PCDHGB2: variants seen among roughly 807,000 people sequenced by gnomAD.
PCDHGB2 encodes the protein protocadherin gamma subfamily B, 2, also known as protocadherin gamma-B2.
Under a neutral mutation model 59.3 loss-of-function variants are expected in PCDHGB2, and 55 were observed. The ratio of observed to expected loss-of-function variants is 0.93; its 90% confidence interval spans 0.75 to 1.16. The LOEUF is 1.16. Among genes scored for constraint, PCDHGB2 ranks in the 50% most tolerant of loss-of-function variants. PCDHGB2 has a pLI of 0.00. For missense variants in PCDHGB2, 1,228 were observed against 1,198.5 expected (o/e 1.02, Z -0.36); for synonymous variants, 516 against 512.0 (o/e 1.01, Z -0.11).
intron 1 of PCDHGB2, chr5:141,427,685 C>T: frequency 1.2e-6 from 1 of 852,116 alleles, no homozygotes; most frequent in Non-Finnish European, 1.9e-6. Context: ...TTCCCGGAGC[C>T]TCCATCCCAC....
In PCDHGB2 at chr5:141,485,735, G is replaced by A; in HGVS notation, c.2422-9072G>A. 6.2e-7 allele frequency: 1 copy of A among 1,614,166 alleles called. No homozygotes were observed. The highest frequency in any genetic ancestry group is 8.5e-7 in the Non-Finnish European group (1 of 1,180,036). On this transcript the variant is annotated intron_variant, in intron 1 of 3. Coordinates refer to ENST00000522605, the MANE Select transcript of PCDHGB2 (RefSeq NM_018923.3). The surrounding 1 kb of genome is among the most constrained non-coding windows in gnomAD (Gnocchi z 5.7). Reference sequence around the variant, plus strand: ...ACTGGATGTGAAGAAGCGCAGCGACGGCAGCCTGGTCCCAGAGCTGCTCCT... The same window carrying A: ...ACTGGATGTGAAGAAGCGCAGCGACAGCAGCCTGGTCCCAGAGCTGCTCCT...
chr5:141,396,525 C>T (rs2093390810), intron 1 of PCDHGB2: 1 of 151,326 alleles, frequency 6.6e-6, no homozygotes, highest in Non-Finnish European at 1.5e-5. Context: ...GAGGCTGAGG[C>T]AGAAGAATCA....
intron 3 of PCDHGB2, among the ~76,000 whole-genome samples, chr5:141,506,116 A>T: frequency 6.6e-6 from 1 of 152,136 alleles, no homozygotes; most frequent in East Asian, 1.9e-4. Flanking sequence ...AAGAGTCACT[A>T]GGGCCCAGAG....
At chr5:141,422,167 A>G in intron 1 of PCDHGB2, 1 of 1,562,764 alleles carries the variant, frequency 6.4e-7, no homozygotes, top group Non-Finnish European at 8.6e-7. Context: ...TGAAAAATAT[A>G]GATTCTATGA....
chr5:141,375,914 G>A, intron 1 of PCDHGB2: 1 of 1,613,738 alleles, frequency 6.2e-7, no homozygotes, highest in Non-Finnish European at 8.5e-7. Context: ...CCTGCTCAAG[G>A]CCAGCGAGCC....
At chr5:141,384,650 C>G (rs1213467381) in intron 1 of PCDHGB2, 4 of 1,614,222 alleles carry the variant, frequency 2.5e-6, no homozygotes, top group Non-Finnish European at 3.4e-6. Context: ...TCCGCAGAGC[C>G]CGGCTACCTG....
At chr5:141,384,278 A>T in intron 1 of PCDHGB2, 1 of 1,613,842 alleles carries the variant, frequency 6.2e-7, no homozygotes, top group Non-Finnish European at 8.5e-7. Context: ...TACTCAGTCT[A>T]CATCGCTGAG....
At chr5:141,469,372 C>G (rs780872014) in intron 1 of PCDHGB2, among the ~76,000 whole-genome samples, 5 of 151,990 alleles carry the variant, frequency 3.3e-5, no homozygotes, top group Non-Finnish European at 5.9e-5. Flanking sequence ...GTAAAGAGAT[C>G]GAGACCATCC....
rs922405350 is a variant in PCDHGB2, at chr5:141,512,227, T to C, written c.*1054T>C. 5 of 152,764 alleles carry C rather than the reference T, an allele frequency of 3.3e-5. No homozygotes were observed. The highest frequency in any genetic ancestry group is 1.2e-4 in the African/African-American group (5 of 41,552). 9.5% of individuals were successfully genotyped at this position (152,764 alleles called of 1,614,324 possible). On this transcript the variant is annotated 3_prime_UTR_variant, in exon 4 of 4. Transcript: ENST00000522605. ...AAGCAGGTTTAGGACCAGGTCCCCTTGAGAGGTCAGAGGGGCCTCTGTGGG... is the reference window on the plus strand; with the variant it reads ...AAGCAGGTTTAGGACCAGGTCCCCTCGAGAGGTCAGAGGGGCCTCTGTGGG...
intron 1 of PCDHGB2, chr5:141,383,148 C>G (rs1326737910): frequency 6.2e-7 from 1 of 1,614,124 alleles, no homozygotes; most frequent in Non-Finnish European, 8.5e-7. Context: ...GCAGCGGCAG[C>G]TTGGTCACTG....
rs1007653206 is a variant in PCDHGB2 at position 141,360,593 on chromosome 5, C to T, written c.458C>T (p.Pro153Leu). The T allele has an allele frequency of 6.2e-7, 1 of 1,613,930 alleles. No individual in the cohort carries two copies. Among genetic ancestry groups the T allele is most frequent in the Non-Finnish European group, 8.5e-7 (1 of 1,179,874 alleles). The change falls in exon 1 of 4, where the codon CCA (proline) becomes CTA (leucine). Residue 153 changes from proline to leucine, a missense_variant. Coordinates refer to ENST00000522605, the MANE Select transcript of PCDHGB2 (RefSeq NM_018923.3). ...GESTKPGTTF[P>L]LDPALDSDVG... ...TCCACTAAGCCAGGTACAACATTTC[C>T]ACTTGACCCAGCCCTGGATTCAGAT...
chr5:141,393,962 C>G (rs2150548263), intron 1 of PCDHGB2: 1 of 1,613,894 alleles, frequency 6.2e-7, no homozygotes, highest in Non-Finnish European at 8.5e-7. Flanking sequence ...GTCAAGTTGT[C>G]TGTTACACAC....
At chr5:141,364,262 C>A (rs899975548) in intron 1 of PCDHGB2, 3 of 1,504,192 alleles carry the variant, frequency 2.0e-6, no homozygotes, top group Non-Finnish European at 2.7e-6. Context: ...ATGTACCCAT[C>A]GGCTTTAGAT....
chr5:141,416,042 A>G (rs1024979061), intron 1 of PCDHGB2: 1 of 193,196 alleles, frequency 5.2e-6, no homozygotes, highest in African/African-American at 2.3e-5. Context: ...ACCTCTGGAA[A>G]CACAACCCAA....
At chr5:141,468,330 C>CAAAAA (rs533390277) in intron 1 of PCDHGB2, 4 of 79,848 alleles carry the variant, frequency 5.0e-5, no homozygotes, top group African/African-American at 7.8e-5. Context: ...AACTCCATCT[C>CAAAAA]AAAAAAAAAA....
rs776721321 is a variant in PCDHGB2, at chr5:141,431,084, C to A, written c.2422-63723C>A. ...CAAGTGTCAATTAAATCTAGACATT[C>A]TGATGGAGGATAAAGTGAAAATATA... is the stretch of plus-strand genomic sequence containing the variant. On this transcript the variant is annotated intron_variant, in intron 1 of 3. Coordinates refer to ENST00000522605, the MANE Select transcript of PCDHGB2 (RefSeq NM_018923.3). This position sits in a 1 kb window ranked among gnomAD's most constrained non-coding sequence, Gnocchi z 4.8. The A allele has an allele frequency of 1.2e-6, 2 of 1,614,060 alleles. No homozygotes were observed. Among genetic ancestry groups the A allele is most frequent in the Non-Finnish European group, 1.7e-6 (2 of 1,180,002 alleles).
At chr5:141,392,357 C>T (rs980934647) in intron 1 of PCDHGB2, 1 of 152,638 alleles carries the variant, frequency 6.6e-6, no homozygotes, top group Admixed American at 6.5e-5. Flanking sequence ...TAATCCGATG[C>T]TACAATCTGA....
intron 1 of PCDHGB2, chr5:141,430,690 G>A: frequency 1.4e-6 from 2 of 1,410,426 alleles, no homozygotes; most frequent in Non-Finnish European, 1.9e-6. Flanking sequence ...CCCATTCTAT[G>A]GGCGAAGGAA....
At chr5:141,371,831 C>T (rs374832321) in intron 1 of PCDHGB2, 1 of 1,613,770 alleles carries the variant, frequency 6.2e-7, no homozygotes, top group Non-Finnish European at 8.5e-7. Context: ...CCTCGGATCC[C>T]GACTTGGGAC....
Sources: allele counts gnomAD v4.1 joint callset (sites outside exome capture counted in the v4.1 genomes callset), GRCh38; gene constraint gnomAD v4.1.1; non-coding constraint Gnocchi (gnomAD v3.1); transcripts MANE v1.5; gene names NCBI Gene and HGNC (gene_info 2026-07-23, HGNC 2026-07-21).